Variants in TEX11 observed in about 807,000 individuals in gnomAD.
TEX11 encodes testis expressed 11.
A neutral mutation model predicts 84.4 loss-of-function variants in TEX11; 7 were observed. The ratio of observed to expected loss-of-function variants is 0.08; its 90% confidence interval spans 0.05 to 0.16. The LOEUF is 0.16. TEX11 is among the 10% of genes least tolerant of loss of function. The pLI is 1.00. For missense variants in TEX11, 551 were observed against 660.5 expected, an observed-to-expected ratio of 0.83 and a Z score of 1.82; for synonymous variants, 264 against 222.8, an observed-to-expected ratio of 1.18 and a Z score of -1.64.
chrX:70,609,049 C>A, intron 22 of TEX11, 42 bp downstream of exon 22: 1 of 1,062,992 alleles, frequency 9.4e-7, no homozygotes, highest in Non-Finnish European at 1.3e-6. Flanking sequence ...TCTAATTCCA[C>A]CACCCCACAA....
At chrX:70,752,950 T>C (rs2090839594) in intron 9 of TEX11, among the ~76,000 whole-genome samples, 1 of 110,196 alleles carries the variant, frequency 9.1e-6, no homozygotes. Context: ...TGCTCCATTA[T>C]AGCAGAAAGA....
intron 24 of TEX11, among the ~76,000 whole-genome samples, chrX:70,594,960 G>A (rs2088984977): frequency 9.0e-6 from 1 of 111,642 alleles, no homozygotes; most frequent in African/African-American, 3.3e-5. Context: ...TTCATAGTGT[G>A]TGAGAGAACA....
At chrX:70,774,722 A>C (rs1458136061) in intron 9 of TEX11, among the ~76,000 whole-genome samples, 1 of 111,896 alleles carries the variant, frequency 8.9e-6, no homozygotes, top group Non-Finnish European at 1.9e-5. Flanking sequence ...ACATTTAAAA[A>C]AAAGATATCC....
At chrX:70,712,721 T>A (rs1373128457) in intron 13 of TEX11, among the ~76,000 whole-genome samples, 1 of 110,970 alleles carries the variant, frequency 9.0e-6, no homozygotes, top group Non-Finnish European at 1.9e-5. Context: ...AGATATACAA[T>A]CATGTCATCT....
intron 2 of TEX11, among the ~76,000 whole-genome samples, chrX:70,886,286 T>C (rs924546889): frequency 1.8e-5 from 2 of 111,950 alleles, no homozygotes; most frequent in African/African-American, 6.5e-5. Flanking sequence ...TTCCATAATA[T>C]GTGACAATAT....
At chrX:70,730,829 A>C (rs748607168) in intron 11 of TEX11, among the ~76,000 whole-genome samples, 11 of 110,700 alleles carry the variant, frequency 9.9e-5, no homozygotes, top group Non-Finnish European at 1.3e-4. Flanking sequence ...GAACTCTCCA[A>C]CCCAAATCAA....
At chrX:70,720,933 G>A (rs1603236372) in intron 13 of TEX11, among the ~76,000 whole-genome samples, 1 of 110,261 alleles carries the variant, frequency 9.1e-6, no homozygotes, top group African/African-American at 3.3e-5. Flanking sequence ...TTGGAATGTA[G>A]TATTGAATGT....
At chrX:70,896,268 A>G (rs2091765755) in intron 2 of TEX11, among the ~76,000 whole-genome samples, 1 of 112,804 alleles carries the variant, frequency 8.9e-6, no homozygotes, top group Non-Finnish European at 1.9e-5. Flanking sequence ...ATATGAAAAA[A>G]AGTTAATCAT....
intron 5 of TEX11, among the ~76,000 whole-genome samples, chrX:70,859,770 C>A (rs1328871389): frequency 1.8e-5 from 2 of 111,002 alleles, no homozygotes; most frequent in Admixed American, 1.9e-4. Flanking sequence ...AATCCCAGCA[C>A]TTTGGGAGGC....
intron 20 of TEX11, among the ~76,000 whole-genome samples, chrX:70,620,066 C>A (rs1249271934): frequency 9.0e-6 from 1 of 110,636 alleles, no homozygotes; most frequent in South Asian, 3.9e-4. Context: ...CCTTGTGATC[C>A]GCCCGCCTCG....
At chrX:70,628,457 C>T (rs1014238084) in intron 18 of TEX11, among the ~76,000 whole-genome samples, 4 of 111,568 alleles carry the variant, frequency 3.6e-5, no homozygotes, top group African/African-American at 1.3e-4. Context: ...CTTCCCAAAT[C>T]GATTCTGGTT....
At chrX:70,630,060 C>G (rs1325905476) in intron 17 of TEX11, among the ~76,000 whole-genome samples, 4 of 111,602 alleles carry the variant, frequency 3.6e-5, no homozygotes, top group Non-Finnish European at 7.5e-5. Context: ...CGCCTGTAAT[C>G]CCAGCACTTT....
chrX:70,898,091 G>A (rs991627977), intron 2 of TEX11, among the ~76,000 whole-genome samples: 4 of 111,257 alleles, frequency 3.6e-5, no homozygotes, highest in Non-Finnish European at 7.5e-5. Context: ...TGTCTTGCTA[G>A]GAATATAAAG....
chrX:70,629,774 A>G (rs751912545), intron 17 of TEX11, 39 bp from the exon 18 acceptor site: 84 of 946,580 alleles, frequency 8.9e-5, no homozygotes, highest in Non-Finnish European at 1.2e-4. Flanking sequence ...GATATACTCT[A>G]ATCAAAGAAA....
intron 25 of TEX11, among the ~76,000 whole-genome samples, chrX:70,559,535 C>G (rs1017894163): frequency 3.6e-5 from 4 of 111,885 alleles, no homozygotes; most frequent in African/African-American, 1.3e-4. Flanking sequence ...GAATTGTACA[C>G]TTTGATGGGT....
intron 5 of TEX11, among the ~76,000 whole-genome samples, chrX:70,859,992 G>A (rs2091560616): frequency 8.9e-6 from 1 of 111,831 alleles, no homozygotes; most frequent in Non-Finnish European, 1.9e-5. Context: ...TTCCAGCCAG[G>A]GTGACTCCCT....
At chrX:70,902,217 C>T (rs944163694) in intron 2 of TEX11, among the ~76,000 whole-genome samples, 2 of 111,871 alleles carry the variant, frequency 1.8e-5, no homozygotes, top group African/African-American at 6.5e-5. Flanking sequence ...CACCACTGCA[C>T]ACCAGCCTGG....
intron 4 of TEX11, among the ~76,000 whole-genome samples, chrX:70,862,380 A>G (rs1442521636): frequency 8.9e-6 from 1 of 111,809 alleles, no homozygotes; most frequent in Non-Finnish European, 1.9e-5. Context: ...GTCAGCAGCC[A>G]TTCTACCTAT....
chrX:70,560,949 A>C (rs2088364988), intron 25 of TEX11, among the ~76,000 whole-genome samples: 2 of 76,762 alleles, frequency 2.6e-5, no homozygotes, highest in Non-Finnish European at 4.5e-5. Flanking sequence ...GGGTCTCGCC[A>C]TGTTGCCTAG....
Sources: allele counts gnomAD v4.1 joint callset (sites outside exome capture counted in the v4.1 genomes callset), GRCh38; gene constraint gnomAD v4.1.1; transcripts MANE v1.5; gene names NCBI Gene and HGNC (gene_info 2026-07-23, HGNC 2026-07-21).